Variants in RPRD1B observed in about 807,000 individuals in gnomAD.
The protein encoded by RPRD1B is regulation of nuclear pre-mRNA domain-containing protein 1B.
A neutral mutation model predicts 41.5 loss-of-function variants in RPRD1B; 11 were observed. The observed-to-expected ratio is 0.27, with a 90% CI of 0.17 to 0.44. RPRD1B has a LOEUF of 0.44. Ranked by LOEUF, RPRD1B falls within the 20% of genes least tolerant of loss-of-function variation. The probability of loss-of-function intolerance (pLI) is 1.00; values close to 1 mark genes in which losing one functional copy is unlikely to be tolerated. For missense variants in RPRD1B, 248 were observed against 389.9 expected, an observed-to-expected ratio of 0.64 and a Z score of 3.06; for synonymous variants, 158 against 155.6, an observed-to-expected ratio of 1.02 and a Z score of -0.12.
At chr20:38,082,983 G>C (rs2074528422) in intron 6 of RPRD1B, among the ~76,000 whole-genome samples, 1 of 152,118 alleles carries the variant, frequency 6.6e-6, no homozygotes, top group African/African-American at 2.4e-5. Context: ...AAATTTGTCT[G>C]TTAGTTTGTC....
chr20:38,079,389 T>A (rs533754802), intron 6 of RPRD1B, among the ~76,000 whole-genome samples: 7 of 152,244 alleles, frequency 4.6e-5, no homozygotes, highest in African/African-American at 1.7e-4. Flanking sequence ...TGATAGGTAG[T>A]TTTTCAGTTC....
chr20:38,053,378 A>G (rs1221886978), intron 3 of RPRD1B, among the ~76,000 whole-genome samples: 1 of 152,222 alleles, frequency 6.6e-6, no homozygotes, highest in African/African-American at 2.4e-5. Context: ...GCCTAGCACT[A>G]GCATTTTCCA....
chr20:38,062,997 C>A (rs1349440510), intron 5 of RPRD1B, among the ~76,000 whole-genome samples: 1 of 152,022 alleles, frequency 6.6e-6, no homozygotes, highest in Non-Finnish European at 1.5e-5. Flanking sequence ...CCCTGCCTGG[C>A]TTTAAAGCAG....
At chr20:38,051,217 T>A (rs958034) in intron 3 of RPRD1B, among the ~76,000 whole-genome samples, 2 of 152,224 alleles carry the variant, frequency 1.3e-5, no homozygotes, top group Non-Finnish European at 2.9e-5. Flanking sequence ...CCTATAAATA[T>A]ATACAATTAT....
At chr20:38,079,182 C>T (rs1224452045) in intron 6 of RPRD1B, among the ~76,000 whole-genome samples, 3 of 152,078 alleles carry the variant, frequency 2.0e-5, no homozygotes, top group African/African-American at 4.8e-5. Context: ...TACATAGGAG[C>T]CCAGTGAGTT....
At chr20:38,055,510 ACTTT>A (rs1015005850) in intron 3 of RPRD1B, among the ~76,000 whole-genome samples, 7 of 148,918 alleles carry the variant, frequency 4.7e-5, no homozygotes, top group African/African-American at 1.7e-4. Flanking sequence ...CATCACTCCC[ACTTT>A]CTTCATTGCT....
At position 38,090,892 on chromosome 20, in the gene RPRD1B, T is replaced by C. The variant is rs1259448414; in HGVS notation, c.*1017T>C. On this transcript the variant is annotated 3_prime_UTR_variant, in exon 7 of 7. Transcript: ENST00000373433. Reference sequence around the variant, plus strand: ...AAATAGGACGCTGAGCAGGTCCGTCTGTCATGTCACGCCACTGCACAGGTC... The same window carrying C: ...AAATAGGACGCTGAGCAGGTCCGTCCGTCATGTCACGCCACTGCACAGGTC... 1.0e-6 allele frequency: 1 copy of C among 985,106 alleles called. No homozygotes were observed. Among genetic ancestry groups the C allele is most frequent in the Non-Finnish European group, 1.2e-6 (1 of 829,898 alleles). 61.0% of individuals were successfully genotyped at this position (985,106 alleles called of 1,614,324 possible).
At chr20:38,074,741 GGTTTTTGTTTTT>G (rs971732342) in intron 6 of RPRD1B, among the ~76,000 whole-genome samples, 1 of 152,106 alleles carries the variant, frequency 6.6e-6, no homozygotes, top group African/African-American at 2.4e-5. Context: ...TAGTACTCAG[GGTTTTTGTTTTT>G]GTTTTTGTTT....
chr20:38,049,712 T>C (rs1034422451), intron 3 of RPRD1B: 4 of 471,032 alleles, frequency 8.5e-6, no homozygotes, highest in African/African-American at 6.0e-5. Flanking sequence ...TTTAGTTACT[T>C]GGCTTCTGGT....
At chr20:38,086,579 T>A (rs1011718459) in intron 6 of RPRD1B, among the ~76,000 whole-genome samples, 3 of 152,002 alleles carry the variant, frequency 2.0e-5, no homozygotes, top group Admixed American at 1.3e-4. Flanking sequence ...AAGCAGTCTG[T>A]CTGCCTCAGC....
At position 38,034,837 on chromosome 20, in the gene RPRD1B, C is replaced by T. The variant is rs138881239; in HGVS notation, c.151+739C>T. Among the ~76,000 whole-genome samples the T allele has an allele frequency of 4.2e-3, 636 of 152,350 alleles. 2 individuals carry two copies. The highest frequency in any genetic ancestry group is 0.027 in the South Asian group (129 of 4,824). ...TATGTGCCAGGCACTGGCTTGGACA[C>T]TTGCAGCATGTTGCCTCTGCCAACT... On this transcript the variant is annotated intron_variant, in intron 1 of 6. Coordinates refer to ENST00000373433, the MANE Select transcript of RPRD1B (RefSeq NM_021215.4).
chr20:38,067,185 T>C (rs145937800), intron 6 of RPRD1B, among the ~76,000 whole-genome samples: 28 of 152,298 alleles, frequency 1.8e-4, no homozygotes, highest in Middle Eastern at 3.4e-3. Context: ...CGTAATTAAG[T>C]ACATGGTAGT....
At chr20:38,034,435 G>C (rs926702465) in intron 1 of RPRD1B, among the ~76,000 whole-genome samples, 3 of 152,150 alleles carry the variant, frequency 2.0e-5, no homozygotes, top group African/African-American at 4.8e-5. Context: ...GCCCAGTGCT[G>C]GGTATTTGGA....
chr20:38,041,328 A>C (rs1037903354), intron 2 of RPRD1B, among the ~76,000 whole-genome samples: 2 of 152,248 alleles, frequency 1.3e-5, no homozygotes, highest in Admixed American at 1.3e-4. Flanking sequence ...GGAGACTAGT[A>C]GGTTAAACAT....
At chr20:38,054,124 G>A (rs992167911) in intron 3 of RPRD1B, among the ~76,000 whole-genome samples, 4 of 152,164 alleles carry the variant, frequency 2.6e-5, no homozygotes, top group Admixed American at 1.3e-4. Flanking sequence ...TAAGGCATCA[G>A]TCTGAGGTAT....
chr20:38,087,824 A>T (rs1568665105), intron 6 of RPRD1B, among the ~76,000 whole-genome samples: 1 of 152,180 alleles, frequency 6.6e-6, no homozygotes, highest in Admixed American at 6.5e-5. Context: ...CTCAGGAGCT[A>T]CTTCATGTGG....
intron 1 of RPRD1B, among the ~76,000 whole-genome samples, chr20:38,035,567 G>A (rs2073993941): frequency 6.6e-6 from 1 of 152,206 alleles, no homozygotes; most frequent in Admixed American, 6.5e-5. Flanking sequence ...GTACTGTACT[G>A]AGATAGGGAT....
chr20:38,070,738 ATTTT>A (rs201175296), intron 6 of RPRD1B: 45 of 891,838 alleles, frequency 5.0e-5, no homozygotes, highest in South Asian at 2.1e-4. Flanking sequence ...CTTAACTGTG[ATTTT>A]TTTTTTTTTT....
Position 38,091,988 on chromosome 20 carries a change from GT to G in RPRD1B, c.*2119del. On this transcript the variant is annotated 3_prime_UTR_variant, in exon 7 of 7. Transcript: ENST00000373433. Reference sequence around the variant, plus strand: ...TTTTTTGTTTTGATGAAATGCTTTCGTTTTTTAAATCTTAATTCTGCTGTCC... The same window carrying G: ...TTTTTTGTTTTGATGAAATGCTTTCGTTTTTAAATCTTAATTCTGCTGTCC... 1 of 985,814 alleles carries G rather than the reference GT, an allele frequency of 1.0e-6. No individual in the cohort carries two copies. The highest frequency in any genetic ancestry group is 1.2e-6 in the Non-Finnish European group (1 of 829,888). The allele number at this position is 985,814 out of a possible 1,614,324, so 61.1% of individuals were successfully genotyped here.
Sources: gnomAD v4.1 joint callset for allele counts (sites outside exome capture counted in the v4.1 genomes callset) on GRCh38, gnomAD v4.1.1 for gene constraint, MANE v1.5 for transcripts, NCBI Gene and HGNC (gene_info 2026-07-23, HGNC 2026-07-21) for gene names.